ATXN7: variants seen among roughly 807,000 people sequenced by gnomAD.
ATXN7 encodes the protein ataxin-7.
In ATXN7, 12 loss-of-function variants were observed where a neutral mutation model predicts 70.5. The observed-to-expected ratio is 0.17, with a 90% confidence interval of 0.11 to 0.28. The LOEUF is 0.28. Ranked by LOEUF, ATXN7 falls within the 10% of genes least tolerant of loss-of-function variation. ATXN7 has a pLI of 1.00. For synonymous variants in ATXN7, 498 were observed against 448.7 expected (o/e 1.11, Z -1.39); for missense variants, 1,256 against 1,131.7 (o/e 1.11, Z -1.58).
At chr3:63,932,760 T>G (rs552597131) in intron 4 of ATXN7, among the ~76,000 whole-genome samples, 1 of 152,290 alleles carries the variant, frequency 6.6e-6, no homozygotes, top group East Asian at 1.9e-4. Flanking sequence ...ACTTCTCATC[T>G]CTTAGATCGG....
intron 11 of ATXN7, among the ~76,000 whole-genome samples, chr3:63,994,689 A>G (rs1035118425): frequency 2.0e-5 from 3 of 152,190 alleles, no homozygotes; most frequent in Admixed American, 2.0e-4. Context: ...GCTACCCCTT[A>G]AGTCAGGATC....
intron 11 of ATXN7, 64 bp downstream of exon 11, chr3:63,990,923 C>G: frequency 6.2e-7 from 1 of 1,604,628 alleles, no homozygotes; most frequent in Non-Finnish European, 8.5e-7. Flanking sequence ...TCTTTTATTT[C>G]CTGTGAGACT....
At chr3:63,890,403 G>C (rs1386692817) in intron 1 of ATXN7, among the ~76,000 whole-genome samples, 1 of 152,140 alleles carries the variant, frequency 6.6e-6, no homozygotes, top group East Asian at 1.9e-4. Flanking sequence ...AACAAGTTTT[G>C]AGTTAAAGGA....
At chr3:63,969,789 A>G (rs887761734) in intron 5 of ATXN7, among the ~76,000 whole-genome samples, 1 of 152,192 alleles carries the variant, frequency 6.6e-6, no homozygotes, top group Non-Finnish European at 1.5e-5. Context: ...GTAAATTGCT[A>G]AAATTCTAAA....
rs2075849620 is a variant in ATXN7, at chr3:64,002,892, A to C, written c.*3425A>C. On this transcript the variant is annotated 3_prime_UTR_variant, in exon 13 of 13. Coordinates refer to ENST00000674280, the MANE Select transcript of ATXN7 (RefSeq NM_001377405.1). ...CATGAAATACAATTTAAAATATTTA[A>C]AATATTTTGTATTCCAAAAATATAA... is the stretch of plus-strand genomic sequence containing the variant. 6.6e-6 allele frequency: 1 copy of C among 152,112 alleles called. No homozygotes were observed. Among genetic ancestry groups the C allele is most frequent in the African/African-American group, 2.4e-5 (1 of 41,428 alleles). The allele number at this position is 152,112 out of a possible 1,614,324, so 9.4% of individuals were successfully genotyped here. A position where few individuals can be genotyped will look rare whatever the true frequency, so the allele number is the denominator to read the frequency against.
chr3:63,930,540 T>A (rs1315078799), intron 4 of ATXN7, among the ~76,000 whole-genome samples: 1 of 152,008 alleles, frequency 6.6e-6, no homozygotes, highest in Non-Finnish European at 1.5e-5. Context: ...CAATTTTTTT[T>A]TTTTTTTTGA....
At chr3:63,921,209 A>G (rs533343570) in intron 4 of ATXN7, among the ~76,000 whole-genome samples, 1 of 152,300 alleles carries the variant, frequency 6.6e-6, no homozygotes, top group South Asian at 2.1e-4. Context: ...GCATATGGCA[A>G]GGAAAAAGCA....
intron 5 of ATXN7, among the ~76,000 whole-genome samples, chr3:63,959,104 G>A (rs556474649): frequency 3.9e-5 from 6 of 152,296 alleles, no homozygotes; most frequent in South Asian, 4.1e-4. Flanking sequence ...TTGATTTAGC[G>A]TAGTCATTGG....
intron 11 of ATXN7, among the ~76,000 whole-genome samples, chr3:63,994,213 A>G (rs1460844703): frequency 6.6e-6 from 1 of 152,084 alleles, no homozygotes; most frequent in African/African-American, 2.4e-5. Flanking sequence ...GTACCCTTGA[A>G]TGGGGTTTTG....
intron 10 of ATXN7, 74 bp from the exon 11 acceptor site, chr3:63,990,664 T>G: frequency 6.2e-7 from 1 of 1,606,836 alleles, no homozygotes; most frequent in African/African-American, 1.3e-5. Context: ...GCTCCTTTCC[T>G]GAAGGATCTA....
At chr3:63,974,522 C>A (rs982610867) in intron 5 of ATXN7, among the ~76,000 whole-genome samples, 1 of 152,240 alleles carries the variant, frequency 6.6e-6, no homozygotes, top group Non-Finnish European at 1.5e-5. Flanking sequence ...TGGGATTGCA[C>A]CCATCTTTGC....
At chr3:63,979,319 AAGG>A (rs2075446169) in intron 5 of ATXN7, among the ~76,000 whole-genome samples, 1 of 152,212 alleles carries the variant, frequency 6.6e-6, no homozygotes, top group Non-Finnish European at 1.5e-5. Context: ...ATTATTAAAA[AAGG>A]GGGGGTGGGA....
At chr3:63,886,305 T>C (rs1703085486) in intron 1 of ATXN7, among the ~76,000 whole-genome samples, 1 of 152,122 alleles carries the variant, frequency 6.6e-6, no homozygotes. Flanking sequence ...AAGTTTCAGT[T>C]AGGATGAATG....
At chr3:63,991,392 G>C (rs780709716) in intron 11 of ATXN7, among the ~76,000 whole-genome samples, 1 of 148,860 alleles carries the variant, frequency 6.7e-6, no homozygotes, top group Non-Finnish European at 1.5e-5. Flanking sequence ...TGAACCTAGA[G>C]GTAACATGTT....
intron 5 of ATXN7, among the ~76,000 whole-genome samples, chr3:63,968,916 T>G (rs1211568851): frequency 1.3e-5 from 2 of 152,226 alleles, no homozygotes; most frequent in African/African-American, 4.8e-5. Flanking sequence ...TCCCCAGTTG[T>G]AGGACTTTAA....
At chr3:63,917,664 A>C (rs1704338744) in intron 4 of ATXN7, among the ~76,000 whole-genome samples, 1 of 152,168 alleles carries the variant, frequency 6.6e-6, no homozygotes, top group Admixed American at 6.5e-5. Context: ...ACTCTGCATT[A>C]TGTGATGGCT....
chr3:63,946,047 G>A (rs1575933518), intron 4 of ATXN7, among the ~76,000 whole-genome samples: 2 of 152,212 alleles, frequency 1.3e-5, no homozygotes, highest in African/African-American at 2.4e-5. Flanking sequence ...GAAAGCTACA[G>A]AAAAGTTCCA....
At chr3:63,934,032 A>G (rs1158125037) in intron 4 of ATXN7, among the ~76,000 whole-genome samples, 2 of 152,176 alleles carry the variant, frequency 1.3e-5, no homozygotes, top group African/African-American at 4.8e-5. Context: ...CAAATGTTGT[A>G]CTTAAAAAGC....
At chr3:63,877,643 G>T (rs1328036367) in intron 1 of ATXN7, among the ~76,000 whole-genome samples, 1 of 152,220 alleles carries the variant, frequency 6.6e-6, no homozygotes. Context: ...CCTGCTGGTT[G>T]CAGAGAGAGA....
Sources: gnomAD v4.1 joint callset for allele counts (sites outside exome capture counted in the v4.1 genomes callset) on GRCh38, gnomAD v4.1.1 for gene constraint, MANE v1.5 for transcripts, NCBI Gene and HGNC (gene_info 2026-07-23, HGNC 2026-07-21) for gene names.